PCDH15: variants seen among roughly 807,000 people sequenced by gnomAD.
PCDH15 encodes the protein protocadherin related 15.
PCDH15 carries 129 observed loss-of-function variants against 178.5 expected under a neutral mutation model. The observed-to-expected ratio is 0.72, with a 90% CI of 0.63 to 0.84. The LOEUF (loss-of-function observed/expected upper bound fraction) is 0.84, where lower values mean the gene tolerates loss of function less well. Ranked by LOEUF, PCDH15 falls within the 40% of genes least tolerant of loss-of-function variation. PCDH15 has a pLI of 0.00. For synonymous variants in PCDH15, 800 were observed against 732.0 expected (o/e 1.09, Z -1.50); for missense variants, 2,230 against 2,099.9 (o/e 1.06, Z -1.21).
intron 3 of PCDH15, among the ~76,000 whole-genome samples, chr10:54,879,123 CTAGTT>C (rs1328460646): frequency 6.6e-6 from 1 of 151,900 alleles, no homozygotes; most frequent in Non-Finnish European, 1.5e-5. Context: ...TCAAATGTAG[CTAGTT>C]TAAACAACTT....
intron 25 of PCDH15, among the ~76,000 whole-genome samples, chr10:53,937,898 G>A (rs1419064248): frequency 6.6e-6 from 1 of 151,996 alleles, no homozygotes; most frequent in East Asian, 1.9e-4. Flanking sequence ...TCCAGGGATA[G>A]TCCCTGGGTG....
intron 8 of PCDH15, among the ~76,000 whole-genome samples, chr10:54,255,639 A>G (rs2056838989): frequency 6.6e-6 from 1 of 152,142 alleles, no homozygotes. Flanking sequence ...AACTTATCTA[A>G]CTGGTAGCCA....
chr10:54,514,679 A>C (rs1251353233), intron 3 of PCDH15, among the ~76,000 whole-genome samples: 1 of 152,128 alleles, frequency 6.6e-6, no homozygotes, highest in Non-Finnish European at 1.5e-5. Flanking sequence ...AAAAAAAAAA[A>C]AAAACAGTTT....
intron 2 of PCDH15, among the ~76,000 whole-genome samples, chr10:55,387,759 G>C (rs1279280895): frequency 6.6e-6 from 1 of 151,908 alleles, no homozygotes; most frequent in Non-Finnish European, 1.5e-5. Context: ...TTTACAAAAC[G>C]GTTAGCAGTC....
intron 2 of PCDH15, among the ~76,000 whole-genome samples, chr10:54,935,857 T>G (rs192178770): frequency 6.6e-6 from 1 of 152,118 alleles, no homozygotes; most frequent in African/African-American, 2.4e-5. Flanking sequence ...AAAGGAATTT[T>G]TTTATGTTCT....
intron 2 of PCDH15, among the ~76,000 whole-genome samples, chr10:54,544,517 G>A (rs1412698421): frequency 6.6e-6 from 1 of 152,166 alleles, no homozygotes; most frequent in East Asian, 1.9e-4. Context: ...ACAGACGCCT[G>A]CAATTTTGAA....
intron 1 of PCDH15, among the ~76,000 whole-genome samples, chr10:54,692,020 C>T (rs2095130820): frequency 6.6e-6 from 1 of 152,018 alleles, no homozygotes; most frequent in Admixed American, 6.6e-5. Context: ...AATTATATTC[C>T]AGAGCTGATA....
At chr10:53,949,430 C>T (rs2086831648) in intron 23 of PCDH15, among the ~76,000 whole-genome samples, 1 of 152,318 alleles carries the variant, frequency 6.6e-6, no homozygotes, top group African/African-American at 2.4e-5. Flanking sequence ...CTTTCATTAA[C>T]TTATTTGCAA....
chr10:54,970,748 G>T (rs889040859), intron 2 of PCDH15, among the ~76,000 whole-genome samples: 6 of 152,060 alleles, frequency 3.9e-5, no homozygotes, highest in African/African-American at 1.4e-4. Flanking sequence ...CACTACCTTT[G>T]CTACCTGCCT....
At chr10:55,063,681 C>T (rs10740611) in intron 2 of PCDH15, among the ~76,000 whole-genome samples, 85,795 of 151,934 alleles carry the variant, frequency 0.56, 24,646 homozygotes, top group East Asian at 0.75. Context: ...CCAACAGATA[C>T]GCATAAACAT....
chr10:55,578,332 C>A (rs749956067), intron 2 of PCDH15, among the ~76,000 whole-genome samples: 7 of 152,158 alleles, frequency 4.6e-5, no homozygotes, highest in Non-Finnish European at 7.4e-5. Flanking sequence ...ATTCTCCTGC[C>A]TCAGCCTCCT....
At chr10:54,417,307 A>AT (rs997716658) in intron 3 of PCDH15, among the ~76,000 whole-genome samples, 6 of 152,220 alleles carry the variant, frequency 3.9e-5, no homozygotes, top group African/African-American at 1.2e-4. Context: ...CCAAATTGGA[A>AT]TTTTTTTTAA....
chr10:55,428,604 G>A (rs779373320), intron 2 of PCDH15, among the ~76,000 whole-genome samples: 5 of 151,716 alleles, frequency 3.3e-5, no homozygotes, highest in East Asian at 1.9e-4. Context: ...GAGAGACAGC[G>A]CTATGTGTTC....
At chr10:54,435,962 T>C (rs2384467) in intron 3 of PCDH15, among the ~76,000 whole-genome samples, 68,160 of 147,792 alleles carry the variant, frequency 0.46, 16,355 homozygotes, top group Middle Eastern at 0.52. Context: ...AGAGCGAGAC[T>C]CCATCTTAAA....
intron 3 of PCDH15, among the ~76,000 whole-genome samples, chr10:54,394,764 C>G (rs529150700): frequency 5.3e-5 from 8 of 152,242 alleles, no homozygotes; most frequent in Non-Finnish European, 8.8e-5. Flanking sequence ...TCTATTTCAT[C>G]CCTGCAGCCT....
chr10:54,927,568 TA>T (rs1436810210), intron 2 of PCDH15, among the ~76,000 whole-genome samples: 4 of 151,782 alleles, frequency 2.6e-5, no homozygotes, highest in Non-Finnish European at 5.9e-5. Flanking sequence ...TGTGAGAGTC[TA>T]AGTCTCTTTG....
chr10:54,092,741 T>G (rs982593115), intron 15 of PCDH15, among the ~76,000 whole-genome samples: 1 of 152,126 alleles, frequency 6.6e-6, no homozygotes, highest in South Asian at 2.1e-4. Flanking sequence ...AGCTAACATT[T>G]TGAAGAATCA....
intron 2 of PCDH15, among the ~76,000 whole-genome samples, chr10:55,506,948 C>T (rs1358143108): frequency 6.6e-6 from 1 of 151,322 alleles, no homozygotes; most frequent in African/African-American, 2.4e-5. Flanking sequence ...AAGATTAACA[C>T]ATGAAATAGT....
At chr10:54,111,133 C>G (rs1055339384) in intron 15 of PCDH15, among the ~76,000 whole-genome samples, 4 of 152,046 alleles carry the variant, frequency 2.6e-5, no homozygotes, top group African/African-American at 4.8e-5. Flanking sequence ...AAATTACAGC[C>G]TTTATATACT....
Sources: allele counts gnomAD v4.1 joint callset (sites outside exome capture counted in the v4.1 genomes callset), GRCh38; gene constraint gnomAD v4.1.1; transcripts MANE v1.5; gene names NCBI Gene and HGNC (gene_info 2026-07-23, HGNC 2026-07-21).